Variants in ZNF470 observed in about 807,000 individuals in gnomAD.
ZNF470 encodes zinc finger protein 470.
Under a neutral mutation model 13.9 loss-of-function variants are expected in ZNF470, and 13 were observed. The ratio of observed to expected loss-of-function variants is 0.94; its 90% CI spans 0.61 to 1.49. ZNF470 has a LOEUF of 1.49. Ranked by LOEUF, ZNF470 falls within the 40% of genes most tolerant of loss-of-function variation. The pLI is 0.00. For missense variants in ZNF470, 929 were observed against 857.3 expected (o/e 1.08, Z -1.04); for synonymous variants, 293 against 282.9 (o/e 1.04, Z -0.36).
At position 56,577,997 on chromosome 19, in the gene ZNF470, A is replaced by G. The variant is rs996272354; in HGVS notation, c.1568A>G (p.His523Arg). ...AGCAAAACCTTCAGCCAGAATGCACACCTCGCGCAACATCAGAAAATACAC... is the reference window on the plus strand; with the variant it reads ...AGCAAAACCTTCAGCCAGAATGCACGCCTCGCGCAACATCAGAAAATACAC... The part of the protein sequence containing the change: ...ECSKTFSQNA[H>R]LAQHQKIHTG... The change falls in exon 6 of 6, where the codon CAC becomes CGC. Residue 523 changes from histidine to arginine, a missense_variant. Coordinates refer to ENST00000330619, the MANE Select transcript of ZNF470 (RefSeq NM_001001668.4). 4 of 1,613,258 alleles carry G rather than the reference A, an allele frequency of 2.5e-6. No homozygotes were observed. The African/African-American group carries it at 5.3e-5, about 22-fold the overall frequency.
In ZNF470 at chr19:56,578,152, A is replaced by C. The variant is rs766259843; in HGVS notation, c.1723A>C (p.Ser575Arg). The C allele has an allele frequency of 1.2e-6, 2 of 1,614,144 alleles. No individual in the cohort carries two copies. Among genetic ancestry groups the C allele is most frequent in the East Asian group, 4.5e-5 (2 of 44,878 alleles). Residue 575 changes from serine to arginine, a missense_variant, in exon 6 of 6, where the codon AGT becomes CGT. By Grantham distance (110) the Ser-to-Arg change is moderately radical. Coordinates refer to ENST00000330619, the MANE Select transcript of ZNF470 (RefSeq NM_001001668.4). ...YECIECGKAF[S>R]DGSYLVQHQR... is the part of the protein sequence containing the mutation. ...ATGTATTGAATGTGGGAAGGCCTTT[A>C]GTGATGGCTCATATCTTGTTCAACA...
At chr19:56,574,351 A>G in intron 3 of ZNF470, 43 bp from the exon 4 acceptor site, 1 of 1,612,826 alleles carries the variant, frequency 6.2e-7, no homozygotes, top group East Asian at 2.2e-5. Context: ...CTGCATTGGA[A>G]TGTGAACACT....
Position 56,580,186 on chromosome 19 carries a change from G to C in ZNF470, c.*1603G>C. 1.0e-6 allele frequency: 1 copy of C among 962,660 alleles called. No individual in the cohort carries two copies. The highest frequency in any genetic ancestry group is 1.2e-6 in the Non-Finnish European group (1 of 823,474). The allele number at this position is 962,660 out of a possible 1,614,324, so 59.6% of individuals were successfully genotyped here. ...ATTAGAGGATGAGGGAAGAACTAGA[G>C]GTAACTGTGAGACACAAAAGGCATA... On this transcript the variant is annotated 3_prime_UTR_variant, in exon 6 of 6. Transcript: ENST00000330619.
chr19:56,580,277 G>A lies in ZNF470; in HGVS notation c.*1694G>A, dbSNP rs1277816920. On this transcript the variant is annotated 3_prime_UTR_variant, in exon 6 of 6. Coordinates refer to ENST00000330619, the MANE Select transcript of ZNF470 (RefSeq NM_001001668.4). ...TGATGCTTTGAGTGTTGGAGGAAGG[G>A]AGGATTGATGGTTTAACAGAGATCA... 2 of 496,566 alleles carry A rather than the reference G, an allele frequency of 4.0e-6. No homozygotes were observed. Among genetic ancestry groups the A allele is most frequent in the Non-Finnish European group, 5.2e-6 (2 of 384,338 alleles). 30.8% of individuals were successfully genotyped at this position (496,566 alleles called of 1,614,324 possible).
chr19:56,570,624 C>T (rs952570756), intron 3 of ZNF470, among the ~76,000 whole-genome samples: 5 of 152,170 alleles, frequency 3.3e-5, no homozygotes, highest in Non-Finnish European at 7.3e-5. Context: ...AGTCTGAGCC[C>T]TTCCCTTGTG....
rs2044513740 is a variant in ZNF470, at chr19:56,578,811, A to G, written c.*228A>G. The G allele has an allele frequency of 2.5e-6, 3 of 1,213,406 alleles. No individual in the cohort carries two copies. Among genetic ancestry groups the G allele is most frequent in the Non-Finnish European group, 3.1e-6 (3 of 970,230 alleles). The allele number at this position is 1,213,406 out of a possible 1,614,324, so 75.2% of individuals were successfully genotyped here. On this transcript the variant is annotated 3_prime_UTR_variant, in exon 6 of 6. Coordinates refer to ENST00000330619, the MANE Select transcript of ZNF470 (RefSeq NM_001001668.4). Reference sequence around the variant, plus strand: ...ATTTAAAACACTTGATTTGAAAAATATATTAACTAATCCATTTCAAGGATT... The same window carrying G: ...ATTTAAAACACTTGATTTGAAAAATGTATTAACTAATCCATTTCAAGGATT...
Position 56,573,997 on chromosome 19 carries a change from C to T in ZNF470, c.61-397C>T, listed in dbSNP as rs150289260. 7.5e-4 allele frequency: 737 copies of T among 979,890 alleles called. 6 individuals carry two copies. In the African/African-American group the frequency reaches 0.012, roughly 15 times the overall value. The allele number at this position is 979,890 out of a possible 1,614,324, so 60.7% of individuals were successfully genotyped here. ...TCATGTTCATCAGGTCAGCATCCTTCCTTGCAAGTTTTTCTCACAGTTCCA... is the reference window on the plus strand; with the variant it reads ...TCATGTTCATCAGGTCAGCATCCTTTCTTGCAAGTTTTTCTCACAGTTCCA... On this transcript the variant is annotated intron_variant, in intron 3 of 5. Transcript: ENST00000330619.
At position 56,581,975 on chromosome 19, in the gene ZNF470, G is replaced by A. The variant is rs1233645855; in HGVS notation, c.*3392G>A. ...TCCTCAAACTACCCATTGTCTTTCC[G>A]GTACTTGATTTTTGCCTCCTGTTGG... is the stretch of plus-strand genomic sequence containing the variant. On this transcript the variant is annotated 3_prime_UTR_variant, in exon 6 of 6. Transcript: ENST00000330619. 8.1e-6 allele frequency: 8 copies of A among 985,294 alleles called. No individual in the cohort carries two copies. Among genetic ancestry groups the A allele is most frequent in the South Asian group, 4.7e-5 (1 of 21,280 alleles). The allele number at this position is 985,294 out of a possible 1,614,324, so 61.0% of individuals were successfully genotyped here. A position where few individuals can be genotyped will look rare whatever the true frequency, so the allele number is the denominator to read the frequency against.
At position 56,570,281 on chromosome 19, in the gene ZNF470, T is replaced by A; in HGVS notation, c.-31T>A. 1 of 1,610,164 alleles carries A rather than the reference T, an allele frequency of 6.2e-7. No individual in the cohort carries two copies. Among genetic ancestry groups the A allele is most frequent in the African/African-American group, 1.3e-5 (1 of 74,906 alleles). ...CTCACTACTTCTTTTTCTCCCCAGC[T>A]CTACAATCCCAGAGTAAAGCTCTTC... On this transcript the variant is annotated splice_region_variant and 5_prime_UTR_variant, in exon 3 of 6. Transcript: ENST00000330619.
Position 56,570,168 on chromosome 19 carries a change from G to C in ZNF470, c.-32-112G>C, listed in dbSNP as rs548678987. The C allele has an allele frequency of 2.2e-4, 151 of 689,764 alleles. No individual in the cohort carries two copies. The African/African-American group carries it at 2.4e-3, about 11-fold the overall frequency. The allele number at this position is 689,764 out of a possible 1,614,324, so 42.7% of individuals were successfully genotyped here. On this transcript the variant is annotated intron_variant, in intron 2 of 5. Transcript: ENST00000330619. ...AGAGCATCAGGACTGTGGGGTGGGG[G>C]AGTTGGAGTGAGGACTGTGAGTGAG...
At position 56,577,658 on chromosome 19, in the gene ZNF470, T is replaced by C; in HGVS notation, c.1229T>C (p.Ile410Thr). The change falls in exon 6 of 6, where the codon ATA (isoleucine) becomes ACA (threonine). Residue 410 changes from isoleucine to threonine, a missense_variant. Transcript: ENST00000330619. ...TGTGGGAAGGCTTTCACTGATCACA[T>C]AGGACTTATTCAGCATAAGAGAACT... ...IDCGKAFTDHIGLIQHKRTHT... is the reference protein window; with the variant it reads ...IDCGKAFTDHTGLIQHKRTHT... 3.1e-6 allele frequency: 5 copies of C among 1,610,806 alleles called. No individual in the cohort carries two copies. Among genetic ancestry groups the C allele is most frequent in the Non-Finnish European group, 4.2e-6 (5 of 1,177,560 alleles).
In ZNF470 at chr19:56,568,879, C is replaced by T. The variant is rs1278175121; in HGVS notation, c.-37C>T. 6.6e-6 allele frequency: 1 copy of T among 152,280 alleles called. No homozygotes were observed. Among genetic ancestry groups the T allele is most frequent in the East Asian group, 1.9e-4 (1 of 5,180 alleles). 9.4% of individuals were successfully genotyped at this position (152,280 alleles called of 1,614,324 possible). On this transcript the variant is annotated 5_prime_UTR_variant, in exon 2 of 6. Coordinates refer to ENST00000330619, the MANE Select transcript of ZNF470 (RefSeq NM_001001668.4). ...GTCATGTAGTTTCCTCAACTACTGC[C>T]TCAGGTAGGTTTCTTAGCCACTTTT...
chr19:56,571,771 G>A (rs984973990), intron 3 of ZNF470, among the ~76,000 whole-genome samples: 2 of 119,032 alleles, frequency 1.7e-5, no homozygotes, highest in African/African-American at 3.6e-5. Flanking sequence ...ACCACACCTG[G>A]CTAATTTTTT....
chr19:56,570,461 A>C (rs1712094379), intron 3 of ZNF470, 90 bp downstream of exon 3: 2 of 1,308,624 alleles, frequency 1.5e-6, no homozygotes, highest in Admixed American at 1.8e-5. Flanking sequence ...ATTGTGCTTA[A>C]GAGTTCCACC....
intron 3 of ZNF470, among the ~76,000 whole-genome samples, 184 bp downstream of exon 3, chr19:56,570,555 C>T (rs2147979845): frequency 6.6e-6 from 1 of 152,314 alleles, no homozygotes; most frequent in South Asian, 2.1e-4. Flanking sequence ...CCAGTGCCCT[C>T]TCAGAGGTTC....
Position 56,578,073 on chromosome 19 carries a change from G to T in ZNF470, c.1644G>T (p.Gln548His). Residue 548 changes from glutamine to histidine, a missense_variant, in exon 6 of 6, where the codon CAG becomes CAT. Coordinates refer to ENST00000330619, the MANE Select transcript of ZNF470 (RefSeq NM_001001668.4). ...AGGAATGTGGTAAGGCCTTCAGTCA[G>T]ATTGCACACCTTGTTCAGCACCAGA... is the stretch of plus-strand genomic sequence containing the variant. Reference protein sequence around the residue: ...ECKECGKAFSQIAHLVQHQRV... With the variant: ...ECKECGKAFSHIAHLVQHQRV... 1 of 1,613,908 alleles carries T rather than the reference G, an allele frequency of 6.2e-7. No homozygotes were observed. Among genetic ancestry groups the T allele is most frequent in the Non-Finnish European group, 8.5e-7 (1 of 1,179,904 alleles).
chr19:56,578,773 A>T lies in ZNF470; in HGVS notation c.*190A>T. 8.0e-7 allele frequency: 1 copy of T among 1,244,360 alleles called. No homozygotes were observed. The highest frequency in any genetic ancestry group is 3.1e-4 in the Middle Eastern group (1 of 3,220). The allele number at this position is 1,244,360 out of a possible 1,614,324, so 77.1% of individuals were successfully genotyped here. A position where few individuals can be genotyped will look rare whatever the true frequency, so the allele number is the denominator to read the frequency against. ...TTTTAAAAATAAAAATACATAATTT[A>T]TGTTATTTTCCCATTTAAAACACTT... On this transcript the variant is annotated 3_prime_UTR_variant, in exon 6 of 6. Coordinates refer to ENST00000330619, the MANE Select transcript of ZNF470 (RefSeq NM_001001668.4).
rs780196784 is a variant in ZNF470 at position 56,578,450 on chromosome 19, A to T, written c.2021A>T (p.Glu674Val). 6.2e-7 allele frequency: 1 copy of T among 1,612,858 alleles called. No homozygotes were observed. Among genetic ancestry groups the T allele is most frequent in the Admixed American group, 1.7e-5 (1 of 59,840 alleles). ...CTACATAAGAGAATTCATACTGGAG[A>T]AAGGCCCTATGAGTGTAAAGAATGT... ...LTLHKRIHTG[E>V]RPYECKECGK... The change falls in exon 6 of 6, where the codon GAA (glutamate) becomes GTA (valine). Residue 674 changes from glutamate to valine, a missense_variant. Glu to Val is a moderately radical substitution (Grantham distance 121, BLOSUM62 -2). Coordinates refer to ENST00000330619, the MANE Select transcript of ZNF470 (RefSeq NM_001001668.4).
Position 56,576,858 on chromosome 19 carries a change from C to T in ZNF470, c.429C>T (p.Asp143=). Residue 143 remains aspartate, a synonymous_variant, in exon 6 of 6, where the codon GAC becomes GAT. Transcript: ENST00000330619. ...STLGKNWKCE[D]LFERELVNQK... Reference sequence around the variant, plus strand: ...TAGGGAAAAACTGGAAATGTGAAGACTTGTTTGAGAGGGAGCTTGTAAACC... The same window carrying T: ...TAGGGAAAAACTGGAAATGTGAAGATTTGTTTGAGAGGGAGCTTGTAAACC... The T allele has an allele frequency of 6.3e-7, 1 of 1,595,268 alleles. No individual in the cohort carries two copies. Among genetic ancestry groups the T allele is most frequent in the Non-Finnish European group, 8.5e-7 (1 of 1,174,146 alleles).
Sources: gnomAD v4.1 joint callset for allele counts (sites outside exome capture counted in the v4.1 genomes callset) on GRCh38, gnomAD v4.1.1 for gene constraint, MANE v1.5 for transcripts, NCBI Gene and HGNC (gene_info 2026-07-23, HGNC 2026-07-21) for gene names.